The following SCEL variants were observed in gnomAD, a reference collection of about 807,000 sequenced individuals.
The protein encoded by SCEL is sciellin.
Under a neutral mutation model 117.6 loss-of-function variants are expected in SCEL, and 113 were observed. The ratio of observed to expected loss-of-function variants is 0.96; its 90% CI spans 0.83 to 1.12. The LOEUF (loss-of-function observed/expected upper bound fraction) is 1.12, where lower values mean the gene tolerates loss of function less well. SCEL is among the 50% of genes most tolerant of loss of function. The pLI is 0.00. For synonymous variants in SCEL, 270 were observed against 256.2 expected (o/e 1.05, Z -0.51); for missense variants, 785 against 810.8 (o/e 0.97, Z 0.39).
At chr13:77,602,814 G>A (rs931973656) in intron 17 of SCEL, 101 bp downstream of exon 17, 28 of 1,006,872 alleles carry the variant, frequency 2.8e-5, no homozygotes, top group Middle Eastern at 5.9e-4. Context: ...TCTCTTCTGT[G>A]TCTAATCCCT....
At chr13:77,625,342 A>T (rs2089675001) in intron 27 of SCEL, among the ~76,000 whole-genome samples, 1 of 152,202 alleles carries the variant, frequency 6.6e-6, no homozygotes, top group Non-Finnish European at 1.5e-5. Flanking sequence ...TAATTAGTGG[A>T]GACCTTCAAG....
intron 10 of SCEL, among the ~76,000 whole-genome samples, chr13:77,591,130 CA>C (rs1567388210): frequency 6.6e-6 from 1 of 151,856 alleles, no homozygotes. Context: ...TGATGGAGAA[CA>C]AAAAACAACA....
At chr13:77,619,902 A>G (rs988252959) in intron 27 of SCEL, among the ~76,000 whole-genome samples, 1 of 152,038 alleles carries the variant, frequency 6.6e-6, no homozygotes, top group African/African-American at 2.4e-5. Context: ...CCCTCTGACA[A>G]TTGTGCTTTG....
intron 9 of SCEL, among the ~76,000 whole-genome samples, chr13:77,587,842 C>T (rs1400202437): frequency 6.6e-6 from 1 of 152,264 alleles, no homozygotes; most frequent in East Asian, 1.9e-4. Context: ...TTTGTCTCTA[C>T]TTACACTGAC....
chr13:77,584,942 T>C (rs2086477510), intron 9 of SCEL, among the ~76,000 whole-genome samples: 1 of 152,194 alleles, frequency 6.6e-6, no homozygotes, highest in African/African-American at 2.4e-5. Flanking sequence ...TCCATGTAAA[T>C]TGCTCTTCCA....
chr13:77,628,188 AT>A, intron 28 of SCEL, among the ~76,000 whole-genome samples, 179 bp downstream of exon 28: 1 of 149,204 alleles, frequency 6.7e-6, no homozygotes, highest in Non-Finnish European at 1.5e-5. Context: ...ATATATATAT[AT>A]ATCATCCAAA....
chr13:77,594,254 T>G (rs1398717714), intron 12 of SCEL, among the ~76,000 whole-genome samples: 1 of 152,244 alleles, frequency 6.6e-6, no homozygotes, highest in Non-Finnish European at 1.5e-5. Context: ...ACATTGCCCA[T>G]TCAATGGCAT....
chr13:77,561,975 C>T (rs7998229), intron 4 of SCEL, among the ~76,000 whole-genome samples: 17,305 of 152,034 alleles, frequency 0.11, 1,305 homozygotes, highest in South Asian at 0.2. Flanking sequence ...AATACACTGT[C>T]ATCACCTTAG....
chr13:77,639,511 G>C (rs1213538845), intron 30 of SCEL, among the ~76,000 whole-genome samples: 2 of 152,064 alleles, frequency 1.3e-5, no homozygotes, highest in Non-Finnish European at 2.9e-5. Context: ...AGTGGTTCCT[G>C]GGTACGACTA....
At chr13:77,535,985 C>T (rs188115732) in intron 1 of SCEL, among the ~76,000 whole-genome samples, 161 bp downstream of exon 1, 14 of 152,266 alleles carry the variant, frequency 9.2e-5, no homozygotes, top group Non-Finnish European at 8.8e-5. Flanking sequence ...CTCTGCTCTT[C>T]CTTGCTGTAC....
chr13:77,602,603 G>C, intron 16 of SCEL, 51 bp from the exon 17 acceptor site: 1 of 1,492,286 alleles, frequency 6.7e-7, no homozygotes. Flanking sequence ...ACAGATTTCA[G>C]AGAAAATTGT....
chr13:77,618,439 C>T (rs942615992), intron 27 of SCEL, among the ~76,000 whole-genome samples: 1 of 152,134 alleles, frequency 6.6e-6, no homozygotes, highest in African/African-American at 2.4e-5. Context: ...GCCTCAGCCT[C>T]CTAAATTGCT....
chr13:77,635,520 C>A (rs2090235974), intron 29 of SCEL, among the ~76,000 whole-genome samples: 1 of 152,046 alleles, frequency 6.6e-6, no homozygotes, highest in Non-Finnish European at 1.5e-5. Flanking sequence ...CACATCAATA[C>A]ATTTTGATTT....
chr13:77,596,387 G>C (rs2087231395), intron 12 of SCEL, among the ~76,000 whole-genome samples: 1 of 151,918 alleles, frequency 6.6e-6, no homozygotes, highest in Admixed American at 6.6e-5. Flanking sequence ...AGTAATGACA[G>C]GGCATTATTT....
At position 77,572,189 on chromosome 13, in the gene SCEL, G is replaced by A. The variant is rs867192353; in HGVS notation, c.545G>A (p.Arg182Gln). The A allele has an allele frequency of 3.1e-6, 5 of 1,609,626 alleles. No individual in the cohort carries two copies. In the African/African-American group the frequency reaches 4.0e-5, roughly 13 times the overall value. ...NASSSTGTRR[R>Q]EPGVHPPIPP... Reference sequence around the variant, plus strand: ...TCCTCGAGCACAGGAACCAGGAGACGGTAAGGGAAAGGTGTCAGGCGTAAT... The same window carrying A: ...TCCTCGAGCACAGGAACCAGGAGACAGTAAGGGAAAGGTGTCAGGCGTAAT... Residue 182 changes from arginine to glutamine, a missense_variant and splice_region_variant, in exon 9 of 33, where the codon CGG becomes CAG. Arg to Gln is a conservative substitution (Grantham distance 43). Coordinates refer to ENST00000349847, the MANE Select transcript of SCEL (RefSeq NM_144777.3).
chr13:77,593,293 T>TGTGTGTGCGC (rs1555510755), intron 11 of SCEL, among the ~76,000 whole-genome samples: 10 of 53,380 alleles, frequency 1.9e-4, no homozygotes, highest in African/African-American at 9.1e-4. Flanking sequence ...TGTGTGTGTG[T>TGTGTGTGCGC]GTGTCTGTGT....
intron 30 of SCEL, 95 bp downstream of exon 30, chr13:77,637,289 CATATATATAAATATAT>C (rs2090330820): frequency 4.6e-6 from 1 of 215,586 alleles, no homozygotes; most frequent in Non-Finnish European, 8.9e-6. Context: ...GGCACACACA[CATATATATAAATATAT>C]ATACATATAT....
intron 30 of SCEL, among the ~76,000 whole-genome samples, chr13:77,639,871 G>A (rs1594208600): frequency 6.6e-6 from 1 of 152,008 alleles, no homozygotes; most frequent in South Asian, 2.1e-4. Flanking sequence ...ACTCTGCAGG[G>A]TGCTATTTAA....
rs1478476443 is a variant in SCEL, at chr13:77,634,436, A to G, written c.1749A>G (p.Thr583=). The G allele has an allele frequency of 2.5e-6, 4 of 1,611,826 alleles. No individual in the cohort carries two copies. The highest frequency in any genetic ancestry group is 1.3e-5 in the African/African-American group (1 of 74,892). Residue 583 remains threonine (T), a synonymous_variant, in exon 29 of 33, where the codon ACA becomes ACG. Transcript: ENST00000349847. ...GPQDTVVYTR[T]YVENSKSPKD... ...AGGATACTGTTGTGTACACAAGGACATATGTGGAGAATAGGTATTCAAAAT... is the reference window on the plus strand; with the variant it reads ...AGGATACTGTTGTGTACACAAGGACGTATGTGGAGAATAGGTATTCAAAAT...
Sources: allele counts gnomAD v4.1 joint callset (sites outside exome capture counted in the v4.1 genomes callset), GRCh38; gene constraint gnomAD v4.1.1; transcripts MANE v1.5; gene names NCBI Gene and HGNC (gene_info 2026-07-23, HGNC 2026-07-21).